VAV2: variants seen among roughly 807,000 people sequenced by gnomAD.
VAV2 encodes vav guanine nucleotide exchange factor 2.
A neutral mutation model predicts 132.5 loss-of-function variants in VAV2; 67 were observed. That is an observed-to-expected ratio of 0.51 (90% CI 0.42 to 0.62). The LOEUF is 0.62. Ranked by LOEUF, VAV2 falls within the 20% of genes least tolerant of loss-of-function variation. The pLI, the probability that VAV2 is intolerant of heterozygous loss-of-function variation, is 0.00. For synonymous variants in VAV2, 492 were observed against 443.5 expected (o/e 1.11, Z -1.37); for missense variants, 938 against 1,153.6 (o/e 0.81, Z 2.71).
rs901378352 is a variant in VAV2 at position 133,840,661 on chromosome 9, C to T, written c.381-6321G>A. 2.0e-5 allele frequency among the ~76,000 whole-genome samples: 3 copies of T among 152,214 alleles called. No homozygotes were observed. Among genetic ancestry groups the T allele is most frequent in the Non-Finnish European group, 2.9e-5 (2 of 68,044 alleles). ...CCAAAGAGCTCCTTCACTCTCCTCC[C>T]GTCCTTCCCCGGGGAATTACGGGGC... On this transcript the variant is annotated intron_variant, in intron 3 of 29. Transcript: ENST00000371850. This position sits in a 1 kb window ranked among gnomAD's most constrained non-coding sequence, Gnocchi z 4.5.
At chr9:133,764,306 G>C (rs1588146620) in intron 29 of VAV2, among the ~76,000 whole-genome samples, 197 bp from the exon 30 acceptor site, 1 of 152,052 alleles carries the variant, frequency 6.6e-6, no homozygotes, top group Non-Finnish European at 1.5e-5. Flanking sequence ...CCCTTGGCCA[G>C]TTTAAGATGA....
intron 1 of VAV2, among the ~76,000 whole-genome samples, chr9:133,941,993 G>C (rs772382401): frequency 6.6e-6 from 1 of 152,204 alleles, no homozygotes; most frequent in Non-Finnish European, 1.5e-5. Flanking sequence ...GAGCGATGGG[G>C]TGGTTTCGTG....
rs1358739779 is a variant in VAV2, at chr9:133,792,200, CTGTG to C, written c.1102-335_1102-332del. Among the ~76,000 whole-genome samples, 8 of 67,296 alleles carry C rather than the reference CTGTG, an allele frequency of 1.2e-4. No individual in the cohort carries two copies. The South Asian group carries it at 3.9e-3, about 33-fold the overall frequency. 44.1% of individuals were successfully genotyped at this position (67,296 alleles called of 152,430 possible). A position where few individuals can be genotyped will look rare whatever the true frequency, so the allele number is the denominator to read the frequency against. Reference sequence around the variant, plus strand: ...GCTGTACTGGGTGGGGTGTGTGTGACTGTGTGTGTGAGCTGGTTGTGCTGGTTGG... The same window carrying C: ...GCTGTACTGGGTGGGGTGTGTGTGACTGTGTGAGCTGGTTGTGCTGGTTGG... On this transcript the variant is annotated intron_variant, in intron 12 of 29. Transcript: ENST00000371850.
At chr9:133,881,449 C>G (rs988851459) in intron 2 of VAV2, among the ~76,000 whole-genome samples, 19 of 152,180 alleles carry the variant, frequency 1.2e-4, no homozygotes, top group Admixed American at 2.0e-4. Context: ...TGCATGAAGG[C>G]TGCAAAGGAG....
At chr9:133,892,287 C>T (rs888684662) in intron 2 of VAV2, among the ~76,000 whole-genome samples, 1 of 151,518 alleles carries the variant, frequency 6.6e-6, no homozygotes, top group Non-Finnish European at 1.5e-5. Context: ...TGGGGCTGTG[C>T]TGCTAGGAAG....
At chr9:133,908,440 C>G (rs1412466891) in intron 2 of VAV2, among the ~76,000 whole-genome samples, 1 of 152,114 alleles carries the variant, frequency 6.6e-6, no homozygotes, top group East Asian at 1.9e-4. Flanking sequence ...ACCCTCTTCC[C>G]CTGGAAATCT....
chr9:133,935,672 C>T lies in VAV2; in HGVS notation c.321+3431G>A, dbSNP rs919042790. Among the ~76,000 whole-genome samples, 5 of 152,230 alleles carry T rather than the reference C, an allele frequency of 3.3e-5. No homozygotes were observed. Among genetic ancestry groups the T allele is most frequent in the African/African-American group, 9.6e-5 (4 of 41,468 alleles). On this transcript the variant is annotated intron_variant, in intron 2 of 29. Coordinates refer to ENST00000371850, the MANE Select transcript of VAV2 (RefSeq NM_001134398.2). This position sits in a 1 kb window ranked among gnomAD's most constrained non-coding sequence, Gnocchi z 5.2. ...CCGTCAGGCTCCAGACCGTGGTGAA[C>T]GTCCCAGCTCCCCAGCCTCCGCTGG...
rs1833347129 is a variant in VAV2 at position 133,763,882 on chromosome 9, G to A, written c.*180C>T. ...GCATACCCAGTGATGGGTCGCCGAG[G>A]GCAGGCTGACAGTGAAACGGTTCGA... On this transcript the variant is annotated 3_prime_UTR_variant, in exon 30 of 30. Transcript: ENST00000371850. This position sits in a 1 kb window ranked among gnomAD's most constrained non-coding sequence, Gnocchi z 6.8. 2.8e-6 allele frequency: 2 copies of A among 722,144 alleles called. No individual in the cohort carries two copies. The highest frequency in any genetic ancestry group is 1.7e-5 in the South Asian group (1 of 57,228). 44.7% of individuals were successfully genotyped at this position (722,144 alleles called of 1,614,324 possible).
intron 1 of VAV2, among the ~76,000 whole-genome samples, chr9:133,943,635 C>T (rs905444811): frequency 6.6e-6 from 1 of 152,210 alleles, no homozygotes; most frequent in Non-Finnish European, 1.5e-5. Context: ...CCCTCTCCCC[C>T]AGGCTGGCGG....
At chr9:133,773,383 G>C (rs112970914) in intron 25 of VAV2, among the ~76,000 whole-genome samples, 1 of 152,274 alleles carries the variant, frequency 6.6e-6, no homozygotes, top group Non-Finnish European at 1.5e-5. Context: ...CTCTGGGTGA[G>C]CTGGAGAGTG....
intron 23 of VAV2, among the ~76,000 whole-genome samples, chr9:133,776,785 C>G (rs1003513198): frequency 1.3e-5 from 2 of 152,098 alleles, no homozygotes; most frequent in African/African-American, 4.8e-5. Flanking sequence ...CGGGGAGCAC[C>G]GGGGCTGCCG....
intron 9 of VAV2, among the ~76,000 whole-genome samples, chr9:133,805,518 A>G (rs1044325478): frequency 6.6e-6 from 1 of 151,438 alleles, no homozygotes; most frequent in Non-Finnish European, 1.5e-5. Flanking sequence ...CCAGCCTCCG[A>G]CAGCCTGGGC....
chr9:133,811,715 C>T (rs532226831), intron 5 of VAV2, among the ~76,000 whole-genome samples: 9 of 152,334 alleles, frequency 5.9e-5, no homozygotes, highest in East Asian at 5.8e-4. Context: ...GGGAAAATGA[C>T]GCGTGCTGTT....
At position 133,777,428 on chromosome 9, in the gene VAV2, G is replaced by A. The variant is rs1484446568; in HGVS notation, c.1926C>T (p.Phe642=). 1 of 1,613,764 alleles carries A rather than the reference G, an allele frequency of 6.2e-7. No individual in the cohort carries two copies. The highest frequency in any genetic ancestry group is 1.1e-5 in the South Asian group (1 of 91,072). The change falls in exon 23 of 30, where the codon TTC becomes TTT. Residue 642 remains phenylalanine, a synonymous_variant. Coordinates refer to ENST00000371850, the MANE Select transcript of VAV2 (RefSeq NM_001134398.2). The part of the protein sequence containing the change: ...RLVQTRKSGY[F]PSSSVKPCPV... ...GGCAGGGCTTCACAGATGAGCTGGG[G>A]AAATACCCTGACTTCCTGGTTTGTA...
intron 2 of VAV2, among the ~76,000 whole-genome samples, chr9:133,901,297 TCTCC>T (rs976958745): frequency 6.6e-6 from 1 of 152,018 alleles, no homozygotes; most frequent in African/African-American, 2.4e-5. Context: ...TCCCCACGGG[TCTCC>T]TCAGATCGTC....
intron 2 of VAV2, among the ~76,000 whole-genome samples, chr9:133,900,489 A>G (rs1309993710): frequency 6.6e-6 from 1 of 151,844 alleles, no homozygotes; most frequent in African/African-American, 2.4e-5. Flanking sequence ...ATCTGTATAA[A>G]AACTGGCCAT....
rs987476479 is a variant in VAV2 at position 133,915,227 on chromosome 9, C to T, written c.321+23876G>A. Reference sequence around the variant, plus strand: ...TCTCCATGGTGGGGCAGAGTGGGGACATCCACAGCTGGAAGCCACAGTCAG... The same window carrying T: ...TCTCCATGGTGGGGCAGAGTGGGGATATCCACAGCTGGAAGCCACAGTCAG... On this transcript the variant is annotated intron_variant, in intron 2 of 29. Transcript: ENST00000371850. Among the ~76,000 whole-genome samples the T allele has an allele frequency of 7.2e-5, 11 of 152,276 alleles. No homozygotes were observed. In the South Asian group the frequency reaches 1.0e-3, roughly 14 times the overall value.
intron 13 of VAV2, among the ~76,000 whole-genome samples, chr9:133,791,552 C>A (rs1019364679): frequency 5.3e-5 from 8 of 151,896 alleles, no homozygotes; most frequent in Non-Finnish European, 8.8e-5. Flanking sequence ...CCCCTCCCCC[C>A]GAGCACAGGC....
At chr9:133,870,358 C>T (rs977456157) in intron 2 of VAV2, among the ~76,000 whole-genome samples, 4 of 152,164 alleles carry the variant, frequency 2.6e-5, no homozygotes, top group Non-Finnish European at 5.9e-5. Context: ...CTAGCAGCGA[C>T]TCTGAAGGGG....
Sources: allele counts gnomAD v4.1 joint callset (sites outside exome capture counted in the v4.1 genomes callset), GRCh38; gene constraint gnomAD v4.1.1; non-coding constraint Gnocchi (gnomAD v3.1); transcripts MANE v1.5; gene names NCBI Gene and HGNC (gene_info 2026-07-23, HGNC 2026-07-21).